HEMK2: variants seen among roughly 807,000 people sequenced by gnomAD.
HEMK2 encodes HemK methyltransferase 2, ETF1 glutamine and histone H4 lysine.
chr21:28,786,265 CA>C, the HEMK2 span, among the ~76,000 whole-genome samples: 2 of 152,170 alleles, frequency 1.3e-5, no homozygotes, highest in Admixed American at 6.5e-5. Context: ...AAGGTTGTTG[CA>C]AAAACAAAAT....
chr21:28,617,022 T>C, the HEMK2 span, among the ~76,000 whole-genome samples: 1 of 152,124 alleles, frequency 6.6e-6, no homozygotes, highest in African/African-American at 2.4e-5. Context: ...CACAGACAAT[T>C]AGTTGGTAAG....
the HEMK2 span, among the ~76,000 whole-genome samples, chr21:28,841,329 A>AT: frequency 5.7e-5 from 1 of 17,536 alleles, no homozygotes; most frequent in African/African-American, 4.1e-4. Context: ...TATATTATAT[A>AT]TAAATATATA....
the HEMK2 span, among the ~76,000 whole-genome samples, chr21:28,698,898 C>T: frequency 6.6e-6 from 1 of 152,188 alleles, no homozygotes; most frequent in African/African-American, 2.4e-5. Context: ...ATACCTACCC[C>T]GACCAAACCC....
chr21:28,721,900 TCACACA>T, the HEMK2 span, among the ~76,000 whole-genome samples: 1,970 of 127,356 alleles, frequency 0.015, 37 homozygotes, highest in African/African-American at 0.056. Flanking sequence ...TTCTTAACCA[TCACACA>T]CACACACACA....
the HEMK2 span, among the ~76,000 whole-genome samples, chr21:28,592,730 C>T: frequency 8.5e-5 from 13 of 152,282 alleles, no homozygotes; most frequent in South Asian, 2.1e-4. Context: ...AATCAAAACA[C>T]GGCATCAGAG....
chr21:28,626,597 T>C, the HEMK2 span: 5 of 152,140 alleles, frequency 3.3e-5, no homozygotes, highest in Non-Finnish European at 7.4e-5. Flanking sequence ...GTAATCCCAA[T>C]GCTTTGGGAG....
the HEMK2 span, among the ~76,000 whole-genome samples, chr21:28,626,169 A>T: frequency 6.6e-6 from 1 of 152,148 alleles, no homozygotes; most frequent in Non-Finnish European, 1.5e-5. Context: ...TTTTTATGTT[A>T]TATGTAAAAG....
At chr21:28,816,368 T>C in the HEMK2 span, among the ~76,000 whole-genome samples, 1 of 152,310 alleles carries the variant, frequency 6.6e-6, no homozygotes, top group East Asian at 1.9e-4. Flanking sequence ...TAAAAAATAA[T>C]AATTTTTTAA....
the HEMK2 span, among the ~76,000 whole-genome samples, chr21:28,669,704 G>C: frequency 6.6e-6 from 1 of 152,162 alleles, no homozygotes; most frequent in South Asian, 2.1e-4. Flanking sequence ...TTGAATCAGA[G>C]CTTTTTAGCC....
At chr21:28,750,243 T>C in the HEMK2 span, among the ~76,000 whole-genome samples, 1 of 152,224 alleles carries the variant, frequency 6.6e-6, no homozygotes, top group African/African-American at 2.4e-5. Flanking sequence ...ATCTTCTAAA[T>C]ATGAAATTAG....
chr21:28,754,122 T>A, the HEMK2 span, among the ~76,000 whole-genome samples: 1 of 152,198 alleles, frequency 6.6e-6, no homozygotes, highest in Non-Finnish European at 1.5e-5. Context: ...GTAGCTTCCA[T>A]CAGTGTCAAT....
the HEMK2 span, among the ~76,000 whole-genome samples, chr21:28,877,156 G>A: frequency 8.9e-6 from 1 of 112,716 alleles, no homozygotes; most frequent in Non-Finnish European, 1.8e-5. Flanking sequence ...GAGAGAGAAA[G>A]AAAGAGAAAG....
chr21:28,630,493 A>G, the HEMK2 span, among the ~76,000 whole-genome samples: 2 of 151,800 alleles, frequency 1.3e-5, no homozygotes, highest in South Asian at 2.1e-4. Flanking sequence ...TGTTTATAGC[A>G]GCACTATTCA....
the HEMK2 span, among the ~76,000 whole-genome samples, chr21:28,784,449 T>C: frequency 1.3e-5 from 2 of 150,494 alleles, no homozygotes; most frequent in Non-Finnish European, 3.0e-5. Flanking sequence ...TGGAGAACTT[T>C]TGTGTCTAGC....
At chr21:28,760,425 A>AC in the HEMK2 span, among the ~76,000 whole-genome samples, 32 of 152,172 alleles carry the variant, frequency 2.1e-4, no homozygotes, top group Non-Finnish European at 5.9e-5. Flanking sequence ...CATAGACAAT[A>AC]CCTAAACAGT....
At chr21:28,601,775 A>T in the HEMK2 span, among the ~76,000 whole-genome samples, 1 of 152,154 alleles carries the variant, frequency 6.6e-6, no homozygotes, top group East Asian at 1.9e-4. Flanking sequence ...TAAGTACTCA[A>T]CACAGACTGT....
the HEMK2 span, among the ~76,000 whole-genome samples, chr21:28,693,336 C>G: frequency 6.6e-6 from 1 of 152,066 alleles, no homozygotes; most frequent in Non-Finnish European, 1.5e-5. Flanking sequence ...GCACCATTTG[C>G]CCAAGTTTTA....
the HEMK2 span, among the ~76,000 whole-genome samples, chr21:28,718,100 C>G: frequency 6.6e-6 from 1 of 151,926 alleles, no homozygotes; most frequent in African/African-American, 2.4e-5. Context: ...TTTGCTGCAT[C>G]CAGAGATTTT....
the HEMK2 span, among the ~76,000 whole-genome samples, chr21:28,871,906 G>A: frequency 6.7e-6 from 1 of 148,152 alleles, no homozygotes; most frequent in South Asian, 2.3e-4. Context: ...CTGTTTCTGT[G>A]TTCAGATTTT....
Sources: allele counts gnomAD v4.1 joint callset (sites outside exome capture counted in the v4.1 genomes callset), GRCh38; gene constraint gnomAD v4.1.1; transcripts MANE v1.5; gene names NCBI Gene and HGNC (gene_info 2026-07-23, HGNC 2026-07-21).